The following PRDM16 variants were observed in gnomAD, a reference collection of about 807,000 sequenced individuals.
PRDM16 encodes the protein histone-lysine N-methyltransferase PRDM16.
In PRDM16, 23 loss-of-function variants were observed where a neutral mutation model predicts 110.6. The observed-to-expected ratio is 0.21, with a 90% confidence interval of 0.15 to 0.29. The LOEUF is 0.29. Ranked by LOEUF, PRDM16 falls within the 10% of genes least tolerant of loss-of-function variation. The pLI, the probability that PRDM16 is intolerant of heterozygous loss-of-function variation, is 1.00. For missense variants in PRDM16, 1,615 were observed against 1,794.3 expected (o/e 0.90, Z 1.81); for synonymous variants, 799 against 781.8 (o/e 1.02, Z -0.37).
intron 1 of PRDM16, among the ~76,000 whole-genome samples, chr1:3,123,604 T>TG (rs1643142645): frequency 6.6e-6 from 1 of 152,218 alleles, no homozygotes; most frequent in African/African-American, 2.4e-5. Flanking sequence ...CAGGTGCTGC[T>TG]GGAACTGGGA....
At chr1:3,132,458 G>A (rs1052533084) in intron 1 of PRDM16, among the ~76,000 whole-genome samples, 34 of 152,314 alleles carry the variant, frequency 2.2e-4, no homozygotes, top group African/African-American at 6.0e-4. Flanking sequence ...ACACATGGCC[G>A]GCCAGGCAGA....
At position 3,438,208 on chromosome 1, in the gene PRDM16, C is replaced by T. The variant is rs80306463; in HGVS notation, c.*4397C>T. The T allele has an allele frequency of 0.036, 7,419 of 204,242 alleles. 182 individuals are homozygous for T. Among genetic ancestry groups the T allele is most frequent in the Non-Finnish European group, 0.052 (5,196 of 99,732 alleles). The allele number at this position is 204,242 out of a possible 1,614,324, so 12.7% of individuals were successfully genotyped here. ...GTTTATAAGTAAACTGTGCATGACT[C>T]CTGCTTAGCGGTCATTATCGTGTCT... On this transcript the variant is annotated 3_prime_UTR_variant, in exon 17 of 17. Transcript: ENST00000270722.
At position 3,355,835 on chromosome 1, in the gene PRDM16, C is replaced by T. The variant is rs1642585244; in HGVS notation, c.439-29317C>T. Among the ~76,000 whole-genome samples, 3 of 152,184 alleles carry T rather than the reference C, an allele frequency of 2.0e-5. No homozygotes were observed. In the South Asian group the frequency reaches 6.2e-4, roughly 32 times the overall value. On this transcript the variant is annotated intron_variant, in intron 3 of 16. Coordinates refer to ENST00000270722, the MANE Select transcript of PRDM16 (RefSeq NM_022114.4). ...CAAGGCTGCTGGCTCAGAGGCCAGT[C>T]CTGCCCGCCCAGCCTGTGTGTCTGT...
intron 1 of PRDM16, among the ~76,000 whole-genome samples, chr1:3,115,082 G>A (rs1642924883): frequency 6.6e-6 from 1 of 152,258 alleles, no homozygotes; most frequent in African/African-American, 2.4e-5. Context: ...GCCAGCCTCT[G>A]AGCCTGAGTG....
intron 14 of PRDM16, among the ~76,000 whole-genome samples, chr1:3,426,999 T>C (rs1030149178): frequency 6.6e-6 from 1 of 152,244 alleles, no homozygotes; most frequent in African/African-American, 2.4e-5. Flanking sequence ...CACACGCATA[T>C]GCACACATGC....
At chr1:3,087,428 T>C (rs1642175708) in intron 1 of PRDM16, among the ~76,000 whole-genome samples, 1 of 152,230 alleles carries the variant, frequency 6.6e-6, no homozygotes, top group Non-Finnish European at 1.5e-5. Context: ...CGTCCCACTC[T>C]GGATCGGCCG....
intron 2 of PRDM16, chr1:3,238,022 A>G (rs1310388928): frequency 6.6e-6 from 1 of 152,468 alleles, no homozygotes; most frequent in Admixed American, 6.5e-5. Context: ...GCTGCATCCC[A>G]GTGCTGTTCC....
intron 2 of PRDM16, among the ~76,000 whole-genome samples, chr1:3,216,420 C>T (rs1201586547): frequency 6.6e-6 from 1 of 152,214 alleles, no homozygotes; most frequent in Non-Finnish European, 1.5e-5. Flanking sequence ...GCCCCTGAGC[C>T]CACCAGGGAA....
At chr1:3,355,456 C>G (rs975023639) in intron 3 of PRDM16, among the ~76,000 whole-genome samples, 5 of 152,192 alleles carry the variant, frequency 3.3e-5, no homozygotes, top group African/African-American at 1.2e-4. Flanking sequence ...TTGAACTAAA[C>G]AGTCCCTACT....
rs1642885549 is a variant in PRDM16, at chr1:3,370,399, T to C, written c.439-14753T>C. Among the ~76,000 whole-genome samples the C allele has an allele frequency of 6.6e-6, 1 of 152,062 alleles. No individual in the cohort carries two copies. On this transcript the variant is annotated intron_variant, in intron 3 of 16. Transcript: ENST00000270722. This position sits in a 1 kb window ranked among gnomAD's most constrained non-coding sequence, Gnocchi z 4.8. Reference sequence around the variant, plus strand: ...GACAGACCCCTGGGAAACGGAGGCATAGGGAGTGCTGGCTGACAGTCTCAG... The same window carrying C: ...GACAGACCCCTGGGAAACGGAGGCACAGGGAGTGCTGGCTGACAGTCTCAG...
intron 2 of PRDM16, among the ~76,000 whole-genome samples, chr1:3,195,818 TCCTC>T (rs1419408171): frequency 6.6e-6 from 1 of 152,178 alleles, no homozygotes; most frequent in African/African-American, 2.4e-5. Context: ...CCCTTTTCCT[TCCTC>T]CCTTTCTTTC....
chr1:3,270,465 CGAGGAGGACAGTCGGG>C (rs958437062), intron 3 of PRDM16, among the ~76,000 whole-genome samples: 2 of 122,882 alleles, frequency 1.6e-5, no homozygotes, highest in Admixed American at 1.6e-4. Flanking sequence ...GGACAGTCGG[CGAGGAGGACAGTCGGG>C]GAGGACAGTT....
chr1:3,364,269 G>C (rs1294564073), intron 3 of PRDM16, among the ~76,000 whole-genome samples: 1 of 152,206 alleles, frequency 6.6e-6, no homozygotes, highest in Non-Finnish European at 1.5e-5. Context: ...GTGAGGTCCT[G>C]GGCGGAGGTC....
At chr1:3,337,167 CTG>C (rs1642177771) in intron 3 of PRDM16, among the ~76,000 whole-genome samples, 1 of 136,998 alleles carries the variant, frequency 7.3e-6, no homozygotes, top group African/African-American at 2.8e-5. Context: ...CTGTGTACAT[CTG>C]TGAGTGCATG....
intron 1 of PRDM16, among the ~76,000 whole-genome samples, chr1:3,185,911 G>T (rs550812677): frequency 6.6e-6 from 1 of 152,374 alleles, no homozygotes; most frequent in African/African-American, 2.4e-5. Flanking sequence ...AGCCTGGTAG[G>T]ATCCCATCCT....
chr1:3,252,128 T>C (rs1303907509), intron 3 of PRDM16, among the ~76,000 whole-genome samples: 1 of 152,224 alleles, frequency 6.6e-6, no homozygotes, highest in Non-Finnish European at 1.5e-5. Context: ...GAGGCCTGGC[T>C]CCTCGCTTCT....
intron 8 of PRDM16, 112 bp from the exon 9 acceptor site, chr1:3,411,272 C>G (rs1643681188): frequency 8.7e-7 from 1 of 1,143,504 alleles, no homozygotes; most frequent in South Asian, 1.5e-5. Context: ...TGCTTCCAGC[C>G]CCAGCCTCGC....
intron 3 of PRDM16, among the ~76,000 whole-genome samples, chr1:3,375,998 C>T (rs549374967): frequency 1.3e-5 from 2 of 152,268 alleles, no homozygotes; most frequent in South Asian, 4.1e-4. Context: ...GAGGGCTGTG[C>T]GCTCCCTCAG....
At chr1:3,268,479 G>A (rs1055302509) in intron 3 of PRDM16, among the ~76,000 whole-genome samples, 1 of 152,222 alleles carries the variant, frequency 6.6e-6, no homozygotes, top group African/African-American at 2.4e-5. Context: ...CAGGGCGGCC[G>A]GGGAGGGCAG....
Sources: gnomAD v4.1 joint callset for allele counts (sites outside exome capture counted in the v4.1 genomes callset) on GRCh38, gnomAD v4.1.1 for gene constraint, Gnocchi (gnomAD v3.1) non-coding constraint, MANE v1.5 for transcripts, NCBI Gene and HGNC (gene_info 2026-07-23, HGNC 2026-07-21) for gene names.